COL21A1: variants seen among roughly 807,000 people sequenced by gnomAD.
The protein encoded by COL21A1 is collagen alpha-1(XXI) chain.
COL21A1 carries 149 observed loss-of-function variants against 137.9 expected under a neutral mutation model. The observed-to-expected ratio is 1.08, with a 90% CI of 0.95 to 1.24. COL21A1 has a LOEUF of 1.24. COL21A1 is among the 50% of genes most tolerant of loss of function. COL21A1 has a pLI of 0.00. For synonymous variants in COL21A1, 456 were observed against 391.5 expected (o/e 1.16, Z -1.95); for missense variants, 1,167 against 1,158.4 (o/e 1.01, Z -0.11).
intron 18 of COL21A1, among the ~76,000 whole-genome samples, chr6:56,076,106 T>C (rs1258616886): frequency 4.6e-5 from 7 of 151,436 alleles, no homozygotes; most frequent in Non-Finnish European, 5.9e-5. Flanking sequence ...ACAGAAACCA[T>C]GCCAGAGACA....
chr6:56,164,359 T>C (rs991329052), intron 9 of COL21A1, 64 bp downstream of exon 9: 26 of 1,051,202 alleles, frequency 2.5e-5, no homozygotes, highest in Non-Finnish European at 3.5e-5. Flanking sequence ...GATTAGGAAT[T>C]GTATGGTTTA....
intron 1 of COL21A1, among the ~76,000 whole-genome samples, chr6:56,201,423 T>A (rs1056442066): frequency 6.6e-6 from 1 of 152,190 alleles, no homozygotes; most frequent in Non-Finnish European, 1.5e-5. Flanking sequence ...TCTTCTAGGG[T>A]TTTTATGGAT....
chr6:56,193,718 C>T (rs1370047385), intron 1 of COL21A1, among the ~76,000 whole-genome samples: 1 of 152,048 alleles, frequency 6.6e-6, no homozygotes, highest in African/African-American at 2.4e-5. Flanking sequence ...AGGCCCACCC[C>T]TCTGCATAAA....
At chr6:56,330,738 T>C (rs1028347568) in intron 1 of COL21A1, among the ~76,000 whole-genome samples, 2 of 152,158 alleles carry the variant, frequency 1.3e-5, no homozygotes, top group African/African-American at 4.8e-5. Flanking sequence ...GGTTTTGCTA[T>C]TGTGAATGGA....
chr6:56,177,649 G>A (rs1777587955), intron 3 of COL21A1, among the ~76,000 whole-genome samples: 1 of 151,874 alleles, frequency 6.6e-6, no homozygotes, highest in African/African-American at 2.4e-5. Flanking sequence ...GAAAAAATTA[G>A]CCGGGCGTGG....
chr6:56,098,973 C>A (rs547791259), intron 17 of COL21A1, among the ~76,000 whole-genome samples: 8 of 150,304 alleles, frequency 5.3e-5, no homozygotes, highest in African/African-American at 2.0e-4. Context: ...CCTCGGCCTC[C>A]CAAAGTGCTG....
chr6:56,288,334 C>A (rs1201585946), intron 1 of COL21A1, among the ~76,000 whole-genome samples: 1 of 151,854 alleles, frequency 6.6e-6, no homozygotes, highest in East Asian at 1.9e-4. Flanking sequence ...GAAAACACTC[C>A]CCTAGATAAT....
intron 1 of COL21A1, among the ~76,000 whole-genome samples, chr6:56,355,951 C>G (rs1765818772): frequency 6.6e-6 from 1 of 152,136 alleles, no homozygotes; most frequent in Admixed American, 6.5e-5. Context: ...AACTGAAGCT[C>G]CCAAAAAAGT....
At chr6:56,370,391 T>C (rs1363864165) in intron 1 of COL21A1, among the ~76,000 whole-genome samples, 1 of 152,200 alleles carries the variant, frequency 6.6e-6, no homozygotes, top group Admixed American at 6.5e-5. Flanking sequence ...TTGTCAAATA[T>C]ATGAAAAGCT....
At chr6:56,175,059 A>G (rs1296100575) in intron 3 of COL21A1, among the ~76,000 whole-genome samples, 1 of 152,126 alleles carries the variant, frequency 6.6e-6, no homozygotes, top group Non-Finnish European at 1.5e-5. Flanking sequence ...GATCATCTCA[A>G]TGGAGGCAGA....
intron 9 of COL21A1, among the ~76,000 whole-genome samples, chr6:56,159,886 T>C (rs1343986453): frequency 2.0e-5 from 3 of 152,110 alleles, no homozygotes; most frequent in African/African-American, 7.2e-5. Flanking sequence ...AAAAAAGATA[T>C]TTAATAATAA....
intron 1 of COL21A1, among the ~76,000 whole-genome samples, chr6:56,204,789 C>T (rs1161022801): frequency 2.0e-5 from 3 of 152,162 alleles, no homozygotes; most frequent in East Asian, 1.9e-4. Context: ...AAGGAACAGG[C>T]AGCAATTTTT....
rs775929331 is a variant in COL21A1 at position 56,070,733 on chromosome 6, C to T, written c.2019+12G>A. The T allele has an allele frequency of 1.9e-6, 3 of 1,557,490 alleles. No individual in the cohort carries two copies. Among genetic ancestry groups the T allele is most frequent in the East Asian group, 2.3e-5 (1 of 43,848 alleles). The stretch of plus-strand genomic sequence containing the variant: ...ATTTCTTTGAAAATATTTTCAAATG[C>T]ATCAAAATTACCTTGAGCCCAGAAG... On this transcript the variant is annotated intron_variant, in intron 21 of 29. Coordinates refer to ENST00000244728, the MANE Select transcript of COL21A1 (RefSeq NM_030820.4).
chr6:56,300,874 C>T (rs1195324143), intron 1 of COL21A1, among the ~76,000 whole-genome samples: 1 of 152,118 alleles, frequency 6.6e-6, no homozygotes, highest in Non-Finnish European at 1.5e-5. Flanking sequence ...CAGGACCCAC[C>T]TTAAGGGGCT....
chr6:56,372,994 T>C (rs2093992661), intron 1 of COL21A1, among the ~76,000 whole-genome samples: 2 of 152,084 alleles, frequency 1.3e-5, no homozygotes, highest in African/African-American at 4.8e-5. Flanking sequence ...TACCCCTAAA[T>C]TTGGAGCTAG....
At chr6:56,218,783 T>G (rs964282888) in intron 1 of COL21A1, among the ~76,000 whole-genome samples, 1 of 152,046 alleles carries the variant, frequency 6.6e-6, no homozygotes, top group African/African-American at 2.4e-5. Context: ...GAACTGCTAA[T>G]GAATGTACAG....
intron 1 of COL21A1, among the ~76,000 whole-genome samples, chr6:56,345,709 G>A (rs1403104846): frequency 6.6e-6 from 1 of 152,176 alleles, no homozygotes; most frequent in Non-Finnish European, 1.5e-5. Flanking sequence ...TATTTTGAAG[G>A]AGCCAGTGTG....
intron 1 of COL21A1, among the ~76,000 whole-genome samples, chr6:56,214,630 A>G (rs1780372343): frequency 6.6e-6 from 1 of 151,984 alleles, no homozygotes; most frequent in South Asian, 2.1e-4. Flanking sequence ...ATTCTACCCT[A>G]AACAGTCAAG....
chr6:56,347,325 AC>A (rs936064613), intron 1 of COL21A1, among the ~76,000 whole-genome samples: 9 of 150,090 alleles, frequency 6.0e-5, no homozygotes, highest in African/African-American at 2.2e-4. Flanking sequence ...GCCCTTTCCC[AC>A]CCCCTCACCG....
Sources: gnomAD v4.1 joint callset for allele counts (sites outside exome capture counted in the v4.1 genomes callset) on GRCh38, gnomAD v4.1.1 for gene constraint, MANE v1.5 for transcripts, NCBI Gene and HGNC (gene_info 2026-07-23, HGNC 2026-07-21) for gene names.